PLOD1: variants seen among roughly 807,000 people sequenced by gnomAD.
PLOD1 encodes the protein lysine hydroxylase.
PLOD1 carries 70 observed loss-of-function variants against 94.7 expected under a neutral mutation model. The ratio of observed to expected loss-of-function variants is 0.74; its 90% CI spans 0.61 to 0.90. PLOD1 has a LOEUF of 0.90. Ranked by LOEUF, PLOD1 falls within the 40% of genes least tolerant of loss-of-function variation. The pLI is 0.00. For missense variants in PLOD1, 905 were observed against 972.7 expected (o/e 0.93, Z 0.93); for synonymous variants, 417 against 400.2 (o/e 1.04, Z -0.50).
At chr1:11,937,952 T>C (rs1167037397) in intron 1 of PLOD1, among the ~76,000 whole-genome samples, 2 of 150,008 alleles carry the variant, frequency 1.3e-5, no homozygotes, top group African/African-American at 5.0e-5. Context: ...GTTTTCATTT[T>C]CTTTTTTTTT....
At chr1:11,951,627 A>C in intron 4 of PLOD1, among the ~76,000 whole-genome samples, 1 of 146,472 alleles carries the variant, frequency 6.8e-6, no homozygotes, top group East Asian at 2.0e-4. Flanking sequence ...TAATTTATAT[A>C]ATATATATAA....
In PLOD1 at chr1:11,964,680, C is replaced by T. The variant is rs184406592; in HGVS notation, c.1365C>T (p.Tyr455=). 1 of 1,613,418 alleles carries T rather than the reference C, an allele frequency of 6.2e-7. No individual in the cohort carries two copies. Among genetic ancestry groups the T allele is most frequent in the Admixed American group, 1.7e-5 (1 of 60,030 alleles). Residue 455 remains tyrosine (Y), a synonymous_variant, in exon 13 of 19, where the codon TAC becomes TAT. Transcript: ENST00000196061. The part of the protein sequence containing the change: ...VWNVPYISNI[Y]LIKGSALRGE... Reference sequence around the variant, plus strand: ...ATGTGCCCTATATTTCAAACATCTACTTGATCAAGGGCAGTGCCCTGCGGG... The same window carrying T: ...ATGTGCCCTATATTTCAAACATCTATTTGATCAAGGGCAGTGCCCTGCGGG...
At chr1:11,934,953 TGGAGAGGGAGTCTGG>T (rs1645568332) in intron 1 of PLOD1, 98 bp downstream of exon 1, 1 of 1,404,636 alleles carries the variant, frequency 7.1e-7, no homozygotes, top group African/African-American at 1.5e-5. Context: ...AGGCCTGGGC[TGGAGAGGGAGTCTGG>T]GTTCCGGCTC....
At chr1:11,954,616 C>T in intron 5 of PLOD1, 4 of 768,250 alleles carry the variant, frequency 5.2e-6, no homozygotes, top group East Asian at 2.5e-5. Flanking sequence ...TTCAGAGTCC[C>T]TGGTTTTCTG....
intron 5 of PLOD1, among the ~76,000 whole-genome samples, chr1:11,953,190 G>A (rs2100747159): frequency 6.6e-6 from 1 of 152,112 alleles, no homozygotes; most frequent in East Asian, 1.9e-4. Flanking sequence ...CGAGTAGCGG[G>A]GACTACAGGC....
At chr1:11,943,318 CAG>C (rs1296079239) in intron 1 of PLOD1, among the ~76,000 whole-genome samples, 3 of 125,436 alleles carry the variant, frequency 2.4e-5, no homozygotes, top group Non-Finnish European at 4.8e-5. Flanking sequence ...TTTTTTGAGA[CAG>C]AGTTTTGTTC....
Position 11,957,894 on chromosome 1 carries a change from C to G in PLOD1, c.794C>G (p.Thr265Arg), listed in dbSNP as rs777431366. The change falls in exon 8 of 19, where the codon ACA (threonine) becomes AGA (arginine). Residue 265 changes from threonine (T) to arginine (R), a missense_variant. Physicochemically the swap from Thr to Arg is moderately conservative, Grantham distance 71. Transcript: ENST00000196061. The surrounding 1 kb of genome is among the most constrained non-coding windows in gnomAD (Gnocchi z 4.1). ...NYIPRFWTFE[T>R]GCTVCDEGLR... ...ATCCCGCGCTTCTGGACCTTCGAAA[C>G]AGGCTGCACCGTGTGTGACGAAGGC... 1 of 1,614,114 alleles carries G rather than the reference C, an allele frequency of 6.2e-7. No individual in the cohort carries two copies. Among genetic ancestry groups the G allele is most frequent in the Non-Finnish European group, 8.5e-7 (1 of 1,179,964 alleles).
rs1645748771 is a variant in PLOD1 at position 11,957,735 on chromosome 1, G to A, written c.742-107G>A. On this transcript the variant is annotated intron_variant, in intron 7 of 18. Transcript: ENST00000196061. The surrounding 1 kb of genome is among the most constrained non-coding windows in gnomAD (Gnocchi z 4.1). The stretch of plus-strand genomic sequence containing the variant: ...TCTCCAAGACCCTCTTAGGGAGTGG[G>A]AGGGGGCTGGATGGTGCTGACCCAC... 2.5e-6 allele frequency: 2 copies of A among 799,436 alleles called. No individual in the cohort carries two copies. The highest frequency in any genetic ancestry group is 1.7e-5 in the African/African-American group (1 of 59,492). The allele number at this position is 799,436 out of a possible 1,614,324, so 49.5% of individuals were successfully genotyped here. A position where few individuals can be genotyped will look rare whatever the true frequency, so the allele number is the denominator to read the frequency against.
At chr1:11,941,467 G>GATT (rs145464263) in intron 1 of PLOD1, among the ~76,000 whole-genome samples, 4,252 of 141,868 alleles carry the variant, frequency 0.03, 360 homozygotes, top group Admixed American at 0.19. Context: ...AAGTAGCTGG[G>GATT]ATTATTATTA....
In PLOD1 at chr1:11,966,971, T is replaced by A; in HGVS notation, c.1651-16T>A. ...GCCACTGTGGACCCCCTTGACTGAG[T>A]CCCTGCCCTCCCCAGCCCTGCCCGG... On this transcript the variant is annotated splice_polypyrimidine_tract_variant and intron_variant, in intron 15 of 18. Coordinates refer to ENST00000196061, the MANE Select transcript of PLOD1 (RefSeq NM_000302.4). 1.3e-6 allele frequency: 2 copies of A among 1,525,788 alleles called. No individual in the cohort carries two copies. The highest frequency in any genetic ancestry group is 1.8e-6 in the Non-Finnish European group (2 of 1,099,582). The allele number at this position is 1,525,788 out of a possible 1,614,324, so 94.5% of individuals were successfully genotyped here.
intron 1 of PLOD1, among the ~76,000 whole-genome samples, chr1:11,947,333 G>A (rs1189050034): frequency 2.6e-5 from 4 of 151,764 alleles, no homozygotes; most frequent in East Asian, 3.9e-4. Flanking sequence ...CAGCACTTTC[G>A]GAGGCTGAAG....
Position 11,945,853 on chromosome 1 carries a change from C to G in PLOD1, c.77-2123C>G, listed in dbSNP as rs145579887. Among the ~76,000 whole-genome samples the G allele has an allele frequency of 6.2e-3, 949 of 152,228 alleles. 13 individuals carry two copies. The highest frequency in any genetic ancestry group is 0.021 in the African/African-American group (862 of 41,538). ...CCTCCCAAGTAGCTAGGACTACAGGCACATGCCACCACGCCCAGCTAATTT... is the reference window on the plus strand; with the variant it reads ...CCTCCCAAGTAGCTAGGACTACAGGGACATGCCACCACGCCCAGCTAATTT... On this transcript the variant is annotated intron_variant, in intron 1 of 18. Transcript: ENST00000196061.
intron 5 of PLOD1, 76 bp from the exon 6 acceptor site, chr1:11,954,754 C>A: frequency 9.0e-7 from 1 of 1,108,216 alleles, no homozygotes; most frequent in Non-Finnish European, 1.4e-6. Flanking sequence ...GACAGATTCC[C>A]CACACTGGGT....
chr1:11,934,741 G>A lies in PLOD1; in HGVS notation c.-39G>A, dbSNP rs769995450. The A allele has an allele frequency of 2.5e-5, 38 of 1,518,852 alleles. No homozygotes were observed. The highest frequency in any genetic ancestry group is 3.2e-5 in the Non-Finnish European group (37 of 1,140,096). The allele number at this position is 1,518,852 out of a possible 1,614,324, so 94.1% of individuals were successfully genotyped here. On this transcript the variant is annotated 5_prime_UTR_variant, in exon 1 of 19. Coordinates refer to ENST00000196061, the MANE Select transcript of PLOD1 (RefSeq NM_000302.4). The stretch of plus-strand genomic sequence containing the variant: ...CGTCGCGAAGTTTCCAGCCCTGCGA[G>A]CGCCGCCGGGTCGGCCGATCGTCCC...
At chr1:11,966,074 A>T (rs1569726148) in intron 14 of PLOD1, among the ~76,000 whole-genome samples, 177 bp from the exon 15 acceptor site, 1 of 151,736 alleles carries the variant, frequency 6.6e-6, no homozygotes, top group African/African-American at 2.4e-5. Flanking sequence ...TGCAAACACC[A>T]CCTCCTATGG....
At chr1:11,943,223 C>T (rs1310138194) in intron 1 of PLOD1, among the ~76,000 whole-genome samples, 1 of 151,842 alleles carries the variant, frequency 6.6e-6, no homozygotes, top group East Asian at 1.9e-4. Context: ...CTCCTGATCT[C>T]ATGATCCACC....
At chr1:11,947,658 G>A (rs1645665765) in intron 1 of PLOD1, among the ~76,000 whole-genome samples, 6 of 152,184 alleles carry the variant, frequency 3.9e-5, no homozygotes, top group Admixed American at 3.9e-4. Flanking sequence ...ATTCATGAGG[G>A]ATCTACCTCT....
At chr1:11,970,393 A>G (rs940180621) in intron 16 of PLOD1, among the ~76,000 whole-genome samples, 1 of 152,228 alleles carries the variant, frequency 6.6e-6, no homozygotes, top group African/African-American at 2.4e-5. Flanking sequence ...AAGTTGCGCC[A>G]CTGCGCTCTT....
In PLOD1 at chr1:11,960,710, T is replaced by C. The variant is rs1436855317; in HGVS notation, c.1040T>C (p.Val347Ala). Residue 347 changes from valine (V) to alanine (A), a missense_variant, in exon 10 of 19, where the codon GTG becomes GCG. By Grantham distance (64) the Val-to-Ala change is moderately conservative (BLOSUM62 0). Transcript: ENST00000196061. ...CAGCATGGCAGCGAGTACCAGTCTG[T>C]GAAGCTGGTGGGCCCTGAGGTGCGG... ...LAQHGSEYQS[V>A]KLVGPEVRMA... 3 of 1,613,342 alleles carry C rather than the reference T, an allele frequency of 1.9e-6. No homozygotes were observed. The South Asian group carries it at 3.3e-5, about 18-fold the overall frequency.
Sources: gnomAD v4.1 joint callset for allele counts (sites outside exome capture counted in the v4.1 genomes callset) on GRCh38, gnomAD v4.1.1 for gene constraint, Gnocchi (gnomAD v3.1) non-coding constraint, MANE v1.5 for transcripts, NCBI Gene and HGNC (gene_info 2026-07-23, HGNC 2026-07-21) for gene names.